ADGRB3: variants seen among roughly 807,000 people sequenced by gnomAD.
ADGRB3 encodes the protein brain-specific angiogenesis inhibitor 3.
A neutral mutation model predicts 193.4 loss-of-function variants in ADGRB3; 37 were observed. The ratio of observed to expected loss-of-function variants is 0.19; its 90% CI spans 0.15 to 0.25. ADGRB3 has a LOEUF of 0.25. Among genes scored for constraint, ADGRB3 ranks in the 10% least tolerant of loss-of-function variants. The pLI, the probability that ADGRB3 is intolerant of heterozygous loss-of-function variation, is 1.00. For synonymous variants in ADGRB3, 690 were observed against 644.2 expected (o/e 1.07, Z -1.08); for missense variants, 1,637 against 1,852.9 (o/e 0.88, Z 2.14).
chr6:69,056,595 T>C (rs565662642), intron 15 of ADGRB3, among the ~76,000 whole-genome samples: 83 of 152,322 alleles, frequency 5.4e-4, no homozygotes, highest in African/African-American at 1.5e-3. Context: ...AAAAGTTTTA[T>C]AGTTTCTAGT....
chr6:69,062,076 T>C (rs765962269), intron 15 of ADGRB3, among the ~76,000 whole-genome samples: 8 of 152,014 alleles, frequency 5.3e-5, no homozygotes, highest in Non-Finnish European at 1.0e-4. Flanking sequence ...TGGTTTATTA[T>C]TTCACAATTC....
chr6:68,929,707 G>T (rs1767284916), intron 3 of ADGRB3, among the ~76,000 whole-genome samples: 2 of 152,070 alleles, frequency 1.3e-5, no homozygotes, highest in Non-Finnish European at 2.9e-5. Context: ...TTCAGTCACA[G>T]TTCAATAAGC....
At chr6:69,176,707 G>C (rs1775436412) in intron 17 of ADGRB3, among the ~76,000 whole-genome samples, 1 of 152,144 alleles carries the variant, frequency 6.6e-6, no homozygotes, top group African/African-American at 2.4e-5. Flanking sequence ...ATTGTTGCCA[G>C]CTCTTCTTTG....
At chr6:68,721,144 A>G (rs1234111899) in intron 3 of ADGRB3, among the ~76,000 whole-genome samples, 1 of 151,888 alleles carries the variant, frequency 6.6e-6, no homozygotes, top group Non-Finnish European at 1.5e-5. Context: ...CGAAAGGAAT[A>G]TAAATCATGC....
chr6:68,944,451 T>G, intron 6 of ADGRB3, among the ~76,000 whole-genome samples: 1 of 152,174 alleles, frequency 6.6e-6, no homozygotes, highest in East Asian at 1.9e-4. Flanking sequence ...TTTCTAGATC[T>G]CTTGCTGGAT....
chr6:69,067,590 C>T (rs538677816), intron 16 of ADGRB3, among the ~76,000 whole-genome samples: 1 of 152,246 alleles, frequency 6.6e-6, no homozygotes, highest in South Asian at 2.1e-4. Context: ...GTGTGTGCAT[C>T]CGTAATTTTC....
chr6:69,314,279 T>A (rs1365041736), intron 20 of ADGRB3, among the ~76,000 whole-genome samples: 1 of 151,714 alleles, frequency 6.6e-6, no homozygotes, highest in Non-Finnish European at 1.5e-5. Context: ...TAACACTTTC[T>A]TTCTTTTTAA....
intron 3 of ADGRB3, among the ~76,000 whole-genome samples, chr6:68,765,421 G>A (rs1033600753): frequency 5.3e-5 from 8 of 151,942 alleles, no homozygotes; most frequent in Middle Eastern, 3.4e-3. Flanking sequence ...CATTTTATCC[G>A]CCTATTAACA....
intron 8 of ADGRB3, among the ~76,000 whole-genome samples, chr6:68,971,711 A>G (rs771927595): frequency 6.6e-6 from 1 of 152,252 alleles, no homozygotes; most frequent in African/African-American, 2.4e-5. Context: ...GTGTCCAGGC[A>G]TGACTGCCAT....
At chr6:68,767,120 T>C (rs988827710) in intron 3 of ADGRB3, among the ~76,000 whole-genome samples, 3 of 152,148 alleles carry the variant, frequency 2.0e-5, no homozygotes, top group Non-Finnish European at 4.4e-5. Flanking sequence ...TCCTTAATTG[T>C]ATATTTCTAG....
chr6:69,358,550 C>G (rs1476787768), intron 28 of ADGRB3, among the ~76,000 whole-genome samples: 6 of 151,726 alleles, frequency 4.0e-5, no homozygotes. Context: ...TCAGTTGAGC[C>G]CATTAGGATC....
chr6:68,733,230 CTA>C lies in ADGRB3; in HGVS notation c.757+93809_757+93810del, dbSNP rs1000301562. Among the ~76,000 whole-genome samples, 380 of 147,082 alleles carry C rather than the reference CTA, an allele frequency of 2.6e-3. 1 individual carries two copies. The highest frequency in any genetic ancestry group is 8.2e-3 in the African/African-American group (330 of 40,398). On this transcript the variant is annotated intron_variant, in intron 3 of 31. Transcript: ENST00000370598. Reference sequence around the variant, plus strand: ...GTGGATTGGATAAAGAAAATTATATCTATATATATATAAAATATATATATATA... The same window carrying C: ...GTGGATTGGATAAAGAAAATTATATCTATATATATAAAATATATATATATA...
chr6:69,267,626 C>A (rs1405585852), intron 20 of ADGRB3, among the ~76,000 whole-genome samples: 1 of 152,150 alleles, frequency 6.6e-6, no homozygotes, highest in Admixed American at 6.6e-5. Flanking sequence ...TTGAACAAAT[C>A]AAATGACCAT....
At chr6:69,096,622 C>T (rs1772885965) in intron 17 of ADGRB3, among the ~76,000 whole-genome samples, 1 of 152,096 alleles carries the variant, frequency 6.6e-6, no homozygotes. Context: ...TAATCTTGCT[C>T]ATAGTTTGTG....
intron 26 of ADGRB3, among the ~76,000 whole-genome samples, chr6:69,348,193 TCAGA>T (rs1376665416): frequency 1.3e-5 from 2 of 152,134 alleles, no homozygotes; most frequent in Non-Finnish European, 1.5e-5. Flanking sequence ...GTAAAAAAGC[TCAGA>T]CAGAGAGTTT....
At chr6:68,851,504 A>C (rs925185136) in intron 3 of ADGRB3, among the ~76,000 whole-genome samples, 1 of 151,920 alleles carries the variant, frequency 6.6e-6, no homozygotes, top group Non-Finnish European at 1.5e-5. Flanking sequence ...CAAACATCAC[A>C]TGTAATTTTT....
In ADGRB3 at chr6:69,210,149, CATATATAT is replaced by C. The variant is rs58586306; in HGVS notation, c.2481-23127_2481-23120del. Among the ~76,000 whole-genome samples, 58 of 78,932 alleles carry C rather than the reference CATATATAT, an allele frequency of 7.3e-4. 5 individuals are homozygous for C. The highest frequency in any genetic ancestry group is 3.6e-3 in the African/African-American group (57 of 15,874). 51.8% of individuals were successfully genotyped at this position (78,932 alleles called of 152,430 possible). On this transcript the variant is annotated intron_variant, in intron 17 of 31. Coordinates refer to ENST00000370598, the MANE Select transcript of ADGRB3 (RefSeq NM_001704.3). ...ATATATATCATATATTAATATATATCATATATATATATATATATATAAAGGGGAGTTTA... is the reference window on the plus strand; with the variant it reads ...ATATATATCATATATTAATATATATCATATATATATATAAAGGGGAGTTTA...
At chr6:68,770,135 T>C (rs527785427) in intron 3 of ADGRB3, among the ~76,000 whole-genome samples, 1 of 152,156 alleles carries the variant, frequency 6.6e-6, no homozygotes, top group East Asian at 1.9e-4. Context: ...AATTGGATTC[T>C]GATACTCCAT....
rs1309807949 is a variant in ADGRB3 at position 69,382,287 on chromosome 6, A to G, written c.4276-544A>G. On this transcript the variant is annotated intron_variant, in intron 30 of 31. Transcript: ENST00000370598. ...CCTAAGAAGCTCAATCATTATGCACATGGAAAATGCAAGGTTTTACATCCC... is the reference window on the plus strand; with the variant it reads ...CCTAAGAAGCTCAATCATTATGCACGTGGAAAATGCAAGGTTTTACATCCC... Among the ~76,000 whole-genome samples, 7 of 152,010 alleles carry G rather than the reference A, an allele frequency of 4.6e-5. No individual in the cohort carries two copies. In the East Asian group the frequency reaches 1.4e-3, roughly 30 times the overall value.
Sources: allele counts gnomAD v4.1 joint callset (sites outside exome capture counted in the v4.1 genomes callset), GRCh38; gene constraint gnomAD v4.1.1; transcripts MANE v1.5; gene names NCBI Gene and HGNC (gene_info 2026-07-23, HGNC 2026-07-21).